The following BPIFC variants were observed in gnomAD, a reference collection of about 807,000 sequenced individuals.
The protein encoded by BPIFC is BPI fold-containing family C protein.
Under a neutral mutation model 57.6 loss-of-function variants are expected in BPIFC, and 60 were observed. The ratio of observed to expected loss-of-function variants is 1.04; its 90% confidence interval spans 0.85 to 1.29. The LOEUF is 1.29. Among genes scored for constraint, BPIFC ranks in the 50% most tolerant of loss-of-function variants. The pLI, the probability that BPIFC is intolerant of heterozygous loss-of-function variation, is 0.00. For missense variants in BPIFC, 581 were observed against 600.5 expected (o/e 0.97, Z 0.34); for synonymous variants, 243 against 224.5 (o/e 1.08, Z -0.74).
In BPIFC at chr22:32,414,143, C is replaced by T. The variant is rs1346485077; in HGVS notation, c.*160G>A. ...CTATTTATCCCTTTAACAGAGTCTG[C>T]CTTATTCTGGGTTCCTGAAGGCTTA... On this transcript the variant is annotated 3_prime_UTR_variant, in exon 17 of 17. Coordinates refer to ENST00000300399, the MANE Select transcript of BPIFC (RefSeq NM_174932.3). The T allele has an allele frequency of 2.3e-5, 19 of 840,380 alleles. No individual in the cohort carries two copies. The East Asian group carries it at 5.0e-4, about 22-fold the overall frequency. 52.1% of individuals were successfully genotyped at this position (840,380 alleles called of 1,614,324 possible).
intron 12 of BPIFC, 25 bp from the exon 13 acceptor site, chr22:32,431,439 A>ATTTATTTATTTTTTTTTTATTTT: frequency 7.4e-7 from 1 of 1,343,076 alleles, no homozygotes; most frequent in Non-Finnish European, 1.1e-6. Context: ...AGCATTTATT[A>ATTTATTTATTTTTTTTTTATTTT]TTAAGACGAG....
intron 10 of BPIFC, 51 bp from the exon 11 acceptor site, chr22:32,433,823 T>C: frequency 6.7e-7 from 1 of 1,484,246 alleles, no homozygotes; most frequent in Non-Finnish European, 9.4e-7. Flanking sequence ...GTGGATTGTC[T>C]TTTCAGGGAA....
At chr22:32,449,645 T>G (rs2145956778) in intron 4 of BPIFC, among the ~76,000 whole-genome samples, 1 of 152,308 alleles carries the variant, frequency 6.6e-6, no homozygotes, top group African/African-American at 2.4e-5. Context: ...ATTCCTATGT[T>G]GGTGGACATC....
chr22:32,452,820 G>C (rs538328805), intron 4 of BPIFC, among the ~76,000 whole-genome samples: 106 of 152,260 alleles, frequency 7.0e-4, no homozygotes, highest in African/African-American at 2.5e-3. Flanking sequence ...AGAAGAGCTT[G>C]ACTCTCCCTT....
At chr22:32,438,612 G>A (rs1392869243) in intron 8 of BPIFC, among the ~76,000 whole-genome samples, 3 of 152,048 alleles carry the variant, frequency 2.0e-5, no homozygotes, top group Non-Finnish European at 2.9e-5. Context: ...GGCTGGCTTC[G>A]AACTCCTGAC....
chr22:32,457,805 G>A (rs1935076380), intron 2 of BPIFC, among the ~76,000 whole-genome samples: 2 of 152,048 alleles, frequency 1.3e-5, no homozygotes, highest in African/African-American at 4.8e-5. Context: ...TTTTACCCTG[G>A]GCTCATCACA....
Position 32,445,747 on chromosome 22 carries a change from G to C in BPIFC, c.531-49C>G, listed in dbSNP as rs769357118. ...AAAAAAAAAAAAAAGAGGTTACTCAGAGACCATAATCAGCCATTTGTAAAC... is the reference window on the plus strand; with the variant it reads ...AAAAAAAAAAAAAAGAGGTTACTCACAGACCATAATCAGCCATTTGTAAAC... On this transcript the variant is annotated intron_variant, in intron 6 of 16. Coordinates refer to ENST00000300399, the MANE Select transcript of BPIFC (RefSeq NM_174932.3). 11 of 1,298,084 alleles carry C rather than the reference G, an allele frequency of 8.5e-6. 1 individual carries two copies. The South Asian group carries it at 1.5e-4, about 18-fold the overall frequency. 80.4% of individuals were successfully genotyped at this position (1,298,084 alleles called of 1,614,324 possible). A position where few individuals can be genotyped will look rare whatever the true frequency, so the allele number is the denominator to read the frequency against.
intron 7 of BPIFC, among the ~76,000 whole-genome samples, chr22:32,443,775 G>A (rs736123): frequency 0.44 from 66,917 of 151,940 alleles, 15,053 homozygotes; most frequent in Middle Eastern, 0.5. Context: ...TGATAATTGT[G>A]TCCACCTCAT....
At chr22:32,436,685 A>G (rs1934412401) in intron 9 of BPIFC, among the ~76,000 whole-genome samples, 1 of 152,178 alleles carries the variant, frequency 6.6e-6, no homozygotes, top group Admixed American at 6.5e-5. Context: ...AGCTGGAAGG[A>G]CAACTCTGAG....
intron 1 of BPIFC, among the ~76,000 whole-genome samples, chr22:32,462,240 G>A (rs1163214246): frequency 1.3e-5 from 2 of 149,138 alleles, no homozygotes; most frequent in African/African-American, 5.0e-5. Context: ...CATAGCAATG[G>A]AATGCAATGG....
rs540919119 is a variant in BPIFC, at chr22:32,433,776, G to C, written c.925-4C>G. 99 of 1,613,212 alleles carry C rather than the reference G, an allele frequency of 6.1e-5. No individual in the cohort carries two copies. Among genetic ancestry groups the C allele is most frequent in the Middle Eastern group, 1.7e-4 (1 of 6,058 alleles). On this transcript the variant is annotated splice_region_variant and splice_polypyrimidine_tract_variant and intron_variant, in intron 10 of 16. Transcript: ENST00000300399. ...TTTGAACAAAATGGTTGGAAATCTG[G>C]AAAATAAAGCCCATTATGTCACTGT...
At chr22:32,447,100 T>G in intron 5 of BPIFC, 112 bp downstream of exon 5, 1 of 1,358,834 alleles carries the variant, frequency 7.4e-7, no homozygotes, top group Admixed American at 2.7e-5. Context: ...AGAAAGATTG[T>G]TAATAATGAG....
Position 32,431,422 on chromosome 22 carries a change from C to CAATAA in BPIFC, c.1150-13_1150-9dup, listed in dbSNP as rs768022771. 1 of 1,544,664 alleles carries CAATAA rather than the reference C, an allele frequency of 6.5e-7. No homozygotes were observed. ...AACACTGGTACTAGCAACCTATAGACAATAAAAGCATTTATTATTAAGACG... is the reference window on the plus strand; with the variant it reads ...AACACTGGTACTAGCAACCTATAGACAATAAAATAAAAGCATTTATTATTAAGACG... On this transcript the variant is annotated splice_polypyrimidine_tract_variant and intron_variant, in intron 12 of 16. Coordinates refer to ENST00000300399, the MANE Select transcript of BPIFC (RefSeq NM_174932.3).
At chr22:32,428,477 A>G (rs1363704759) in intron 13 of BPIFC, among the ~76,000 whole-genome samples, 1 of 152,060 alleles carries the variant, frequency 6.6e-6, no homozygotes, top group South Asian at 2.1e-4. Context: ...CACTGTGCCT[A>G]TTGTGCCTAA....
Position 32,421,795 on chromosome 22 carries a change from C to T in BPIFC, c.1218-2391G>A, listed in dbSNP as rs533820074. ...GGTGGCAATCATTAATCAAATCATC[C>T]CACTAATTAAGGTTTAATTACAATT... On this transcript the variant is annotated intron_variant, in intron 13 of 16. Coordinates refer to ENST00000300399, the MANE Select transcript of BPIFC (RefSeq NM_174932.3). 9.9e-5 allele frequency among the ~76,000 whole-genome samples: 15 copies of T among 152,220 alleles called. No homozygotes were observed. The South Asian group carries it at 2.5e-3, about 25-fold the overall frequency.
intron 13 of BPIFC, among the ~76,000 whole-genome samples, chr22:32,421,270 C>T (rs1212001175): frequency 6.6e-6 from 1 of 152,116 alleles, no homozygotes; most frequent in Non-Finnish European, 1.5e-5. Context: ...AATAATGATA[C>T]TATGAAGAAA....
intron 13 of BPIFC, among the ~76,000 whole-genome samples, chr22:32,424,788 C>CTT (rs1170619765): frequency 3.2e-5 from 4 of 125,624 alleles, no homozygotes; most frequent in African/African-American, 6.2e-5. Context: ...TCTTCTTCTT[C>CTT]CTTTTTTTTT....
intron 4 of BPIFC, among the ~76,000 whole-genome samples, chr22:32,451,444 C>T (rs1934893020): frequency 1.3e-5 from 2 of 151,940 alleles, no homozygotes; most frequent in Admixed American, 1.3e-4. Flanking sequence ...CTGGCAAGGA[C>T]AAAAAACCAA....
chr22:32,446,050 C>A (rs1934720489), intron 5 of BPIFC, 54 bp from the exon 6 acceptor site: 2 of 1,585,890 alleles, frequency 1.3e-6, no homozygotes, highest in African/African-American at 1.3e-5. Context: ...AGAGATGGAT[C>A]TTGTTTCTCT....
Sources: allele counts gnomAD v4.1 joint callset (sites outside exome capture counted in the v4.1 genomes callset), GRCh38; gene constraint gnomAD v4.1.1; transcripts MANE v1.5; gene names NCBI Gene and HGNC (gene_info 2026-07-23, HGNC 2026-07-21).